AHCYL2: variants seen among roughly 807,000 people sequenced by gnomAD.
AHCYL2 encodes the protein adenosylhomocysteinase like 2, also known as S-adenosylhomocysteine hydrolase-like protein 2.
In AHCYL2, 28 loss-of-function variants were observed where a neutral mutation model predicts 81.4. The ratio of observed to expected loss-of-function variants is 0.34; its 90% CI spans 0.25 to 0.47. The LOEUF (loss-of-function observed/expected upper bound fraction) is 0.47. Among genes scored for constraint, AHCYL2 ranks in the 20% least tolerant of loss-of-function variants. AHCYL2 has a pLI of 1.00. For missense variants in AHCYL2, 551 were observed against 785.1 expected, an observed-to-expected ratio of 0.70 and a Z score of 3.56; for synonymous variants, 272 against 290.2, an observed-to-expected ratio of 0.94 and a Z score of 0.64.
chr7:129,283,523 A>G (rs1246827848), intron 1 of AHCYL2: 8 of 426,900 alleles, frequency 1.9e-5, no homozygotes, highest in African/African-American at 1.0e-4. Flanking sequence ...GGATAAACAT[A>G]TAGACTAAAT....
chr7:129,269,400 C>T (rs1795925579), intron 1 of AHCYL2, among the ~76,000 whole-genome samples: 1 of 152,078 alleles, frequency 6.6e-6, no homozygotes, highest in African/African-American at 2.4e-5. Flanking sequence ...ATTCTCCTGC[C>T]TCACCCTCCT....
intron 1 of AHCYL2, among the ~76,000 whole-genome samples, chr7:129,259,071 G>A (rs886471423): frequency 1.3e-5 from 2 of 152,178 alleles, no homozygotes; most frequent in Non-Finnish European, 2.9e-5. Flanking sequence ...AATAGGAAAT[G>A]AATCTCTGGT....
Position 129,426,497 on chromosome 7 carries a change from T to C in AHCYL2, c.1763T>C (p.Leu588Pro). The change falls in exon 16 of 17, where the codon CTG becomes CCG. Residue 588 changes from leucine to proline, a missense_variant. Transcript: ENST00000325006. The surrounding 1 kb of genome is among the most constrained non-coding windows in gnomAD (Gnocchi z 4.3). ...LPTFDAHLTE[L>P]TDEQAKYLGL... Reference sequence around the variant, plus strand: ...ACCTTTGATGCCCACTTGACAGAGCTGACAGATGAACAGGCCAAGTATCTG... The same window carrying C: ...ACCTTTGATGCCCACTTGACAGAGCCGACAGATGAACAGGCCAAGTATCTG... 1 of 1,614,092 alleles carries C rather than the reference T, an allele frequency of 6.2e-7. No homozygotes were observed. Among genetic ancestry groups the C allele is most frequent in the Non-Finnish European group, 8.5e-7 (1 of 1,179,982 alleles).
intron 7 of AHCYL2, among the ~76,000 whole-genome samples, chr7:129,403,890 A>G (rs1349347393): frequency 7.2e-6 from 1 of 138,452 alleles, no homozygotes; most frequent in African/African-American, 2.6e-5. Flanking sequence ...AAAAAAAAAA[A>G]ATTGGAGCCT....
intron 12 of AHCYL2, among the ~76,000 whole-genome samples, chr7:129,415,647 A>G (rs1488204991): frequency 6.6e-6 from 1 of 151,470 alleles, no homozygotes; most frequent in East Asian, 1.9e-4. Flanking sequence ...AAAAAAAAAA[A>G]GAAAAAGAAT....
At chr7:129,266,924 A>G (rs1795828651) in intron 1 of AHCYL2, among the ~76,000 whole-genome samples, 1 of 152,192 alleles carries the variant, frequency 6.6e-6, no homozygotes, top group Non-Finnish European at 1.5e-5. Context: ...ATTTTAAAGG[A>G]AAGATAGACA....
At chr7:129,289,915 T>A (rs552019971) in intron 1 of AHCYL2, among the ~76,000 whole-genome samples, 2 of 152,112 alleles carry the variant, frequency 1.3e-5, no homozygotes, top group East Asian at 3.9e-4. Flanking sequence ...CCTGAGTAGC[T>A]GGGATTACAG....
chr7:129,244,018 G>A (rs1431861722), intron 1 of AHCYL2, among the ~76,000 whole-genome samples: 2 of 150,624 alleles, frequency 1.3e-5, no homozygotes, highest in African/African-American at 2.4e-5. Context: ...TTTGGTGGGG[G>A]GACAGTATCT....
chr7:129,226,500 T>C (rs1794225809), intron 1 of AHCYL2, among the ~76,000 whole-genome samples: 1 of 152,164 alleles, frequency 6.6e-6, no homozygotes, highest in African/African-American at 2.4e-5. Flanking sequence ...TTTTTTAAAT[T>C]GTTGTGAATG....
Position 129,320,847 on chromosome 7 carries a change from G to A in AHCYL2, c.364-58791G>A, listed in dbSNP as rs142917472. 1.2e-3 allele frequency among the ~76,000 whole-genome samples: 180 copies of A among 152,204 alleles called. 4 individuals are homozygous for A. Among genetic ancestry groups the A allele is most frequent in the Admixed American group, 0.01 (155 of 15,284 alleles). On this transcript the variant is annotated intron_variant, in intron 1 of 16. Transcript: ENST00000325006. ...TTCTGTCTCTCGATTTGCTGATTCT[G>A]GACTTTCATATAAATGGAATCATAC...
intron 1 of AHCYL2, among the ~76,000 whole-genome samples, chr7:129,311,382 C>T (rs963568980): frequency 6.6e-5 from 10 of 152,144 alleles, no homozygotes; most frequent in Admixed American, 6.6e-4. Context: ...GGTGATCGTA[C>T]CTATTCCTGT....
intron 1 of AHCYL2, among the ~76,000 whole-genome samples, chr7:129,239,537 G>C (rs1549788): frequency 0.94 from 142,745 of 151,944 alleles, 67,688 homozygotes; most frequent in East Asian, 1. Flanking sequence ...GCCTCAAACT[G>C]CTGGGCTCAA....
intron 2 of AHCYL2, among the ~76,000 whole-genome samples, chr7:129,381,677 A>G (rs992728182): frequency 2.0e-5 from 3 of 152,208 alleles, no homozygotes; most frequent in Admixed American, 1.3e-4. Flanking sequence ...ATAAGTTCTT[A>G]TATAATCCCT....
chr7:129,248,558 A>C (rs944874963), intron 1 of AHCYL2, among the ~76,000 whole-genome samples: 1 of 145,396 alleles, frequency 6.9e-6, no homozygotes, highest in Non-Finnish European at 1.5e-5. Context: ...GAATCTGTGG[A>C]TGCAGAACCC....
chr7:129,242,418 A>C (rs889954433), intron 1 of AHCYL2, among the ~76,000 whole-genome samples: 3 of 151,816 alleles, frequency 2.0e-5, no homozygotes, highest in South Asian at 4.2e-4. Flanking sequence ...TATCTCTAGA[A>C]GCAAAATTGC....
chr7:129,334,184 T>G (rs930647416), intron 1 of AHCYL2, among the ~76,000 whole-genome samples: 14 of 152,226 alleles, frequency 9.2e-5, no homozygotes, highest in African/African-American at 3.1e-4. Flanking sequence ...GAGGCCAGGC[T>G]ACAGAAGTTA....
intron 1 of AHCYL2, among the ~76,000 whole-genome samples, chr7:129,339,015 A>G (rs762053405): frequency 3.3e-5 from 5 of 152,162 alleles, no homozygotes; most frequent in African/African-American, 9.6e-5. Flanking sequence ...AAGACTTTCA[A>G]CTTGCTCCTT....
intron 1 of AHCYL2, among the ~76,000 whole-genome samples, chr7:129,280,488 G>C (rs1796395871): frequency 6.6e-6 from 1 of 152,054 alleles, no homozygotes; most frequent in South Asian, 2.1e-4. Context: ...CTAAATTCTT[G>C]TTTTAGTTCT....
At chr7:129,339,136 C>A (rs967187642) in intron 1 of AHCYL2, among the ~76,000 whole-genome samples, 3 of 152,208 alleles carry the variant, frequency 2.0e-5, no homozygotes, top group Non-Finnish European at 4.4e-5. Context: ...TCTTCAACTT[C>A]TCCCTCGGTT....
Sources: allele counts gnomAD v4.1 joint callset (sites outside exome capture counted in the v4.1 genomes callset), GRCh38; gene constraint gnomAD v4.1.1; non-coding constraint Gnocchi (gnomAD v3.1); transcripts MANE v1.5; gene names NCBI Gene and HGNC (gene_info 2026-07-23, HGNC 2026-07-21).